The following RNF214 variants were observed in gnomAD, a reference collection of about 807,000 sequenced individuals.
The protein encoded by RNF214 is ring finger protein 214.
Under a neutral mutation model 75.9 loss-of-function variants are expected in RNF214, and 25 were observed. The observed-to-expected ratio is 0.33, with a 90% confidence interval of 0.24 to 0.46. The LOEUF is 0.46. Among genes scored for constraint, RNF214 ranks in the 20% least tolerant of loss-of-function variants. The pLI is 1.00. For missense variants in RNF214, 725 were observed against 857.5 expected (o/e 0.85, Z 1.93); for synonymous variants, 314 against 308.8 (o/e 1.02, Z -0.18).
intron 4 of RNF214, among the ~76,000 whole-genome samples, chr11:117,240,918 T>A (rs2033061678): frequency 6.6e-6 from 1 of 151,412 alleles, no homozygotes; most frequent in Non-Finnish European, 1.5e-5. Flanking sequence ...GTGGCTCACG[T>A]CTGTAATCCT....
At chr11:117,249,560 T>C (rs1388458563) in intron 6 of RNF214, among the ~76,000 whole-genome samples, 1 of 152,162 alleles carries the variant, frequency 6.6e-6, no homozygotes, top group East Asian at 1.9e-4. Context: ...CCGGGACACA[T>C]AGATTTTGGT....
Position 117,286,057 on chromosome 11 carries a change from GTT to G in RNF214, c.*907_*908del, listed in dbSNP as rs2034251999. On this transcript the variant is annotated 3_prime_UTR_variant, in exon 15 of 15. Transcript: ENST00000300650. Reference sequence around the variant, plus strand: ...GTTAAGGCAGTTGGTTCACAACCAAGTTGTTTGGTGACCTTGGGTGAGCTCCA... The same window carrying G: ...GTTAAGGCAGTTGGTTCACAACCAAGGTTTGGTGACCTTGGGTGAGCTCCA... 6.6e-6 allele frequency: 1 copy of G among 152,668 alleles called. No individual in the cohort carries two copies. 9.5% of individuals were successfully genotyped at this position (152,668 alleles called of 1,614,324 possible).
intron 6 of RNF214, among the ~76,000 whole-genome samples, chr11:117,267,952 A>G (rs182923850): frequency 1.1e-3 from 161 of 152,350 alleles, no homozygotes; most frequent in South Asian, 2.7e-3. Context: ...TTATTGAATA[A>G]ACATTAAATC....
At position 117,238,456 on chromosome 11, in the gene RNF214, C is replaced by T. The variant is rs542536788; in HGVS notation, c.108-145C>T. On this transcript the variant is annotated intron_variant, in intron 2 of 14. Transcript: ENST00000300650. Reference sequence around the variant, plus strand: ...AGGTCTTAACCACCAGGCTATACTACCTGCATACAGGATAGAAATCATTGG... The same window carrying T: ...AGGTCTTAACCACCAGGCTATACTATCTGCATACAGGATAGAAATCATTGG... 39 of 757,092 alleles carry T rather than the reference C, an allele frequency of 5.2e-5. 1 individual carries two copies. In the South Asian group the frequency reaches 6.9e-4, roughly 13 times the overall value. 46.9% of individuals were successfully genotyped at this position (757,092 alleles called of 1,614,324 possible).
At chr11:117,273,122 T>C (rs2033945171) in intron 6 of RNF214, among the ~76,000 whole-genome samples, 2 of 152,160 alleles carry the variant, frequency 1.3e-5, no homozygotes, top group African/African-American at 4.8e-5. Flanking sequence ...AGCTTACTTA[T>C]CTGCTATATT....
At chr11:117,235,495 CTTTTTTTTTT>C (rs764468370) in intron 2 of RNF214, among the ~76,000 whole-genome samples, 3 of 120,626 alleles carry the variant, frequency 2.5e-5, no homozygotes, top group African/African-American at 9.3e-5. Flanking sequence ...CACGCCCAGC[CTTTTTTTTTT>C]TTTTTTTTTT....
chr11:117,233,597 CCTTA>C (rs1276271555), intron 1 of RNF214, among the ~76,000 whole-genome samples: 1 of 152,184 alleles, frequency 6.6e-6, no homozygotes, highest in Non-Finnish European at 1.5e-5. Flanking sequence ...GTCCCAGTTC[CCTTA>C]CTTGTGTTAC....
intron 6 of RNF214, among the ~76,000 whole-genome samples, chr11:117,251,156 T>G (rs1218953342): frequency 6.8e-6 from 1 of 147,428 alleles, no homozygotes; most frequent in Non-Finnish European, 1.5e-5. Flanking sequence ...GGTGGTGGCC[T>G]GGCAGAGGGG....
chr11:117,283,819 A>AT (rs1023246280), intron 14 of RNF214, among the ~76,000 whole-genome samples: 13 of 147,408 alleles, frequency 8.8e-5, no homozygotes, highest in South Asian at 4.3e-4. Flanking sequence ...TGCCCAGCTA[A>AT]TTTTTTTTTT....
chr11:117,254,442 T>A (rs2033473093), intron 6 of RNF214, among the ~76,000 whole-genome samples: 2 of 152,268 alleles, frequency 1.3e-5, no homozygotes, highest in South Asian at 4.1e-4. Flanking sequence ...CTCACTCCAT[T>A]TCCTTTGAGT....
chr11:117,281,862 C>T, intron 10 of RNF214, 32 bp from the exon 11 acceptor site: 1 of 1,593,244 alleles, frequency 6.3e-7, no homozygotes, highest in South Asian at 1.1e-5. Context: ...TTCTTCCTTT[C>T]TCTCTCGTCC....
At chr11:117,234,619 T>C (rs1438464386) in intron 2 of RNF214, among the ~76,000 whole-genome samples, 3 of 152,206 alleles carry the variant, frequency 2.0e-5, no homozygotes, top group Non-Finnish European at 4.4e-5. Context: ...CATTAAAAAA[T>C]GCAAACATTT....
rs138829478 is a variant in RNF214, at chr11:117,276,958, C to T, written c.960-2950C>T. ...ATTTCACATATTTTTATGGTAAGAG[C>T]ATTCTGACTCTTCATATATTTTGTA... On this transcript the variant is annotated intron_variant, in intron 6 of 14. Coordinates refer to ENST00000300650, the MANE Select transcript of RNF214 (RefSeq NM_207343.4). Among the ~76,000 whole-genome samples the T allele has an allele frequency of 7.2e-3, 1,097 of 152,282 alleles. 9 individuals are homozygous for T. Among genetic ancestry groups the T allele is most frequent in the Non-Finnish European group, 9.8e-3 (666 of 68,032 alleles).
At chr11:117,250,884 A>C (rs2033360449) in intron 6 of RNF214, among the ~76,000 whole-genome samples, 1 of 147,644 alleles carries the variant, frequency 6.8e-6, no homozygotes, top group African/African-American at 2.5e-5. Context: ...TAATCCATTC[A>C]ACCCTGAGTG....
At chr11:117,279,624 A>G (rs1405751241) in intron 6 of RNF214, among the ~76,000 whole-genome samples, 1 of 152,228 alleles carries the variant, frequency 6.6e-6, no homozygotes, top group African/African-American at 2.4e-5. Flanking sequence ...GGCGTCAGCC[A>G]CCACGCCCGG....
chr11:117,269,332 G>T (rs1420847398), intron 6 of RNF214, among the ~76,000 whole-genome samples: 1 of 152,192 alleles, frequency 6.6e-6, no homozygotes, highest in African/African-American at 2.4e-5. Flanking sequence ...GTGGCAGGAA[G>T]ATGAGGGGCA....
At chr11:117,276,023 CA>C (rs374501163) in intron 6 of RNF214, among the ~76,000 whole-genome samples, 3 of 152,282 alleles carry the variant, frequency 2.0e-5, no homozygotes, top group African/African-American at 2.4e-5. Flanking sequence ...AACAGCATAT[CA>C]AAAAGATAAT....
intron 6 of RNF214, among the ~76,000 whole-genome samples, chr11:117,247,336 T>TA (rs982323894): frequency 4.0e-5 from 6 of 151,174 alleles, no homozygotes; most frequent in Non-Finnish European, 8.9e-5. Flanking sequence ...CAAAAAATAT[T>TA]AAAAAAAAAT....
intron 6 of RNF214, among the ~76,000 whole-genome samples, chr11:117,255,701 C>T (rs953576593): frequency 1.3e-5 from 2 of 151,938 alleles, no homozygotes; most frequent in Admixed American, 1.3e-4. Context: ...TCACTGGCCA[C>T]TACACCCAGC....
Sources: gnomAD v4.1 joint callset for allele counts (sites outside exome capture counted in the v4.1 genomes callset) on GRCh38, gnomAD v4.1.1 for gene constraint, MANE v1.5 for transcripts, NCBI Gene and HGNC (gene_info 2026-07-23, HGNC 2026-07-21) for gene names.